The following PTPRM variants were observed in gnomAD, a reference collection of about 807,000 sequenced individuals.
The protein encoded by PTPRM is receptor-type tyrosine-protein phosphatase mu.
A neutral mutation model predicts 186.7 loss-of-function variants in PTPRM; 47 were observed. The observed-to-expected ratio is 0.25, with a 90% CI of 0.20 to 0.32. The LOEUF is 0.32. Among genes scored for constraint, PTPRM ranks in the 10% least tolerant of loss-of-function variants. The probability of loss-of-function intolerance (pLI) is 1.00; values close to 1 mark genes in which losing one functional copy is unlikely to be tolerated. For missense variants in PTPRM, 1,494 were observed against 1,865.0 expected (o/e 0.80, Z 3.66); for synonymous variants, 668 against 674.9 (o/e 0.99, Z 0.16).
intron 13 of PTPRM, among the ~76,000 whole-genome samples, chr18:8,140,181 G>C (rs1450238708): frequency 1.3e-5 from 2 of 152,226 alleles, no homozygotes; most frequent in Admixed American, 1.3e-4. Context: ...AGCATGGTCA[G>C]TAGCTCTGGG....
chr18:8,077,949 A>G (rs1297564927), intron 9 of PTPRM, among the ~76,000 whole-genome samples: 1 of 152,194 alleles, frequency 6.6e-6, no homozygotes, highest in Non-Finnish European at 1.5e-5. Context: ...AGTCTCTCTG[A>G]TTCTGCAGCC....
intron 1 of PTPRM, among the ~76,000 whole-genome samples, chr18:7,665,694 AG>A (rs530928189): frequency 6.6e-6 from 1 of 152,030 alleles, no homozygotes; most frequent in South Asian, 2.1e-4. Flanking sequence ...TTGGAGGCCG[AG>A]GGGGGTGGAT....
At chr18:8,360,779 A>G (rs1227326023) in intron 23 of PTPRM, 1 of 152,266 alleles carries the variant, frequency 6.6e-6, no homozygotes, top group Non-Finnish European at 1.5e-5. Context: ...TTTTAGCTTT[A>G]GAGTGTCTAC....
chr18:7,834,785 A>G (rs1327658023), intron 2 of PTPRM, among the ~76,000 whole-genome samples: 2 of 151,762 alleles, frequency 1.3e-5, no homozygotes, highest in Non-Finnish European at 2.9e-5. Context: ...CTTCAATCCC[A>G]TTACTCGTTA....
intron 11 of PTPRM, among the ~76,000 whole-genome samples, chr18:8,091,754 A>C (rs1349705774): frequency 6.6e-6 from 1 of 152,194 alleles, no homozygotes; most frequent in East Asian, 1.9e-4. Context: ...TAAATAGGGC[A>C]TATTAAAATT....
chr18:7,783,867 A>G (rs765595415), intron 2 of PTPRM, among the ~76,000 whole-genome samples: 14 of 151,822 alleles, frequency 9.2e-5, no homozygotes, highest in Non-Finnish European at 1.5e-4. Context: ...TTGGCCTCCC[A>G]AAGCACTGGA....
At chr18:7,819,601 G>A (rs1270834797) in intron 2 of PTPRM, among the ~76,000 whole-genome samples, 2 of 152,184 alleles carry the variant, frequency 1.3e-5, no homozygotes, top group Non-Finnish European at 2.9e-5. Flanking sequence ...CAAGCCCACA[G>A]GTGATCTGAT....
chr18:7,928,387 C>G (rs1370243494), intron 5 of PTPRM, among the ~76,000 whole-genome samples: 1 of 151,990 alleles, frequency 6.6e-6, no homozygotes, highest in Non-Finnish European at 1.5e-5. Context: ...AATTTTTTTT[C>G]TCTTTTTAAC....
intron 13 of PTPRM, among the ~76,000 whole-genome samples, chr18:8,126,150 G>GTGTT (rs1019706839): frequency 1.3e-4 from 20 of 150,358 alleles, no homozygotes; most frequent in African/African-American, 4.9e-4. Flanking sequence ...CACCCAGGAA[G>GTGTT]TGTTTCAAAT....
chr18:7,705,321 A>ATCTG (rs1470113131), intron 1 of PTPRM, among the ~76,000 whole-genome samples: 42 of 143,188 alleles, frequency 2.9e-4, no homozygotes, highest in African/African-American at 7.9e-4. Flanking sequence ...CTATCTATCT[A>ATCTG]TCTATCTGTC....
At chr18:8,261,333 T>A (rs899207190) in intron 19 of PTPRM, among the ~76,000 whole-genome samples, 1 of 152,046 alleles carries the variant, frequency 6.6e-6, no homozygotes, top group Middle Eastern at 3.2e-3. Context: ...AGCAGCCAAG[T>A]GATTTTTGAC....
At chr18:8,216,322 T>C (rs1282030153) in intron 14 of PTPRM, among the ~76,000 whole-genome samples, 1 of 152,224 alleles carries the variant, frequency 6.6e-6, no homozygotes, top group Non-Finnish European at 1.5e-5. Flanking sequence ...AAATTTTGAA[T>C]AACAAGAATT....
chr18:8,008,887 G>A (rs1177509566), intron 7 of PTPRM, among the ~76,000 whole-genome samples: 1 of 152,198 alleles, frequency 6.6e-6, no homozygotes, highest in Non-Finnish European at 1.5e-5. Flanking sequence ...GGAGTTCAGA[G>A]TCTAGAAAGA....
At chr18:7,911,022 G>A (rs902542377) in intron 4 of PTPRM, among the ~76,000 whole-genome samples, 4 of 152,160 alleles carry the variant, frequency 2.6e-5, no homozygotes, top group African/African-American at 9.7e-5. Context: ...TTTAAATGCA[G>A]TTGCGCTATA....
chr18:7,998,495 A>C (rs2083674412), intron 7 of PTPRM, among the ~76,000 whole-genome samples: 2 of 152,322 alleles, frequency 1.3e-5, no homozygotes, highest in African/African-American at 4.8e-5. Flanking sequence ...AATTTTTAAA[A>C]ATTAAAACAT....
chr18:7,761,058 A>G (rs8096684), intron 1 of PTPRM, among the ~76,000 whole-genome samples: 25,064 of 152,172 alleles, frequency 0.16, 4,724 homozygotes, highest in African/African-American at 0.47. Flanking sequence ...AGAAAAAGAG[A>G]GAAAGACGTC....
intron 14 of PTPRM, among the ~76,000 whole-genome samples, chr18:8,231,537 A>C (rs2094286560): frequency 6.6e-6 from 1 of 152,202 alleles, no homozygotes; most frequent in African/African-American, 2.4e-5. Context: ...CATACCCATC[A>C]TAAACATAAT....
At chr18:8,182,283 T>G (rs1439331333) in intron 14 of PTPRM, among the ~76,000 whole-genome samples, 3 of 152,240 alleles carry the variant, frequency 2.0e-5, no homozygotes, top group Non-Finnish European at 4.4e-5. Context: ...TGCATGATGC[T>G]GAGGTTTGGG....
chr18:8,181,861 A>AG (rs1052440916), intron 14 of PTPRM, among the ~76,000 whole-genome samples: 20 of 81,438 alleles, frequency 2.5e-4, no homozygotes, highest in African/African-American at 1.0e-3. Flanking sequence ...TTAATACGTG[A>AG]AAAAAAAAAA....
Sources: allele counts gnomAD v4.1 joint callset (sites outside exome capture counted in the v4.1 genomes callset), GRCh38; gene constraint gnomAD v4.1.1; transcripts MANE v1.5; gene names NCBI Gene and HGNC (gene_info 2026-07-23, HGNC 2026-07-21).